The following CSMD2 variants were observed in gnomAD, a reference collection of about 807,000 sequenced individuals.
CSMD2 encodes CUB and Sushi multiple domains 2, also known as CUB and sushi domain-containing protein 2.
A neutral mutation model predicts 398.5 loss-of-function variants in CSMD2; 130 were observed. That is an observed-to-expected ratio of 0.33 (90% CI 0.28 to 0.38). The LOEUF (loss-of-function observed/expected upper bound fraction) is 0.38, where lower values mean the gene tolerates loss of function less well. Ranked by LOEUF, CSMD2 falls within the 10% of genes least tolerant of loss-of-function variation. The probability of loss-of-function intolerance (pLI) is 1.00; values close to 1 mark genes in which losing one functional copy is unlikely to be tolerated. For missense variants in CSMD2, 3,829 were observed against 4,764.9 expected, an observed-to-expected ratio of 0.80 and a Z score of 5.78; for synonymous variants, 1,828 against 1,908.5, an observed-to-expected ratio of 0.96 and a Z score of 1.10.
chr1:33,694,942 T>C (rs1645369253), intron 24 of CSMD2, among the ~76,000 whole-genome samples: 1 of 152,156 alleles, frequency 6.6e-6, no homozygotes, highest in African/African-American at 2.4e-5. Flanking sequence ...TGGAAGAGTT[T>C]ACTGTCTAGT....
chr1:33,642,172 C>A (rs1643145011), intron 29 of CSMD2, among the ~76,000 whole-genome samples: 1 of 151,908 alleles, frequency 6.6e-6, no homozygotes, highest in African/African-American at 2.4e-5. Flanking sequence ...CATGGCGAAA[C>A]CCCATCTCTA....
At position 33,605,906 on chromosome 1, in the gene CSMD2, G is replaced by A. The variant is rs139440321; in HGVS notation, c.6344-436C>T. ...GATCCCAGACATAGGAAGCGGCGAC[G>A]GGAGGAGTTGAGTTGGTTCTTTCCA... is the stretch of plus-strand genomic sequence containing the variant. On this transcript the variant is annotated intron_variant, in intron 41 of 70. Transcript: ENST00000373381. 7.0e-5 allele frequency: 113 copies of A among 1,613,878 alleles called. No individual in the cohort carries two copies. The African/African-American group carries it at 9.2e-4, about 13-fold the overall frequency.
chr1:33,782,782 G>A (rs1000590211), intron 12 of CSMD2, among the ~76,000 whole-genome samples: 16 of 152,280 alleles, frequency 1.1e-4, no homozygotes, highest in Admixed American at 2.6e-4. Context: ...GAATGGATTC[G>A]TAGAAACCAG....
chr1:33,822,305 C>A (rs1658247501), intron 7 of CSMD2, among the ~76,000 whole-genome samples: 1 of 152,090 alleles, frequency 6.6e-6, no homozygotes, highest in Non-Finnish European at 1.5e-5. Flanking sequence ...TTTCCAGGGC[C>A]TGGGTACCTG....
chr1:33,675,974 T>C (rs935967024), intron 25 of CSMD2, among the ~76,000 whole-genome samples: 2 of 152,182 alleles, frequency 1.3e-5, no homozygotes, highest in African/African-American at 2.4e-5. Flanking sequence ...TAATAAGAGC[T>C]ATTTATGACA....
In CSMD2 at chr1:33,724,252, G is replaced by T; in HGVS notation, c.2946C>A (p.Asp982Glu). 1 of 1,614,106 alleles carries T rather than the reference G, an allele frequency of 6.2e-7. No individual in the cohort carries two copies. Among genetic ancestry groups the T allele is most frequent in the Non-Finnish European group, 8.5e-7 (1 of 1,180,004 alleles). The stretch of plus-strand genomic sequence containing the variant: ...TGCAGTTCAAGTTGTTGGGGTAGAA[G>T]TCAGGGAACCCTGGCGACAAGATGG... ...SGTILSPGFP[D>E]FYPNNLNCTW... Residue 982 changes from aspartate to glutamate, a missense_variant, in exon 19 of 71, where the codon GAC becomes GAA. Asp to Glu is a conservative substitution (Grantham distance 45). Around this residue, in one of 5 missense-constraint regions of CSMD2, gnomAD observed 2,001 missense variants for 2,567.1 expected, o/e 0.78. Transcript: ENST00000373381.
chr1:33,683,234 T>TC (rs1238124988), intron 25 of CSMD2, among the ~76,000 whole-genome samples: 1 of 152,256 alleles, frequency 6.6e-6, no homozygotes, highest in Non-Finnish European at 1.5e-5. Context: ...CTGCATTTCA[T>TC]CATCCATCTT....
At chr1:34,105,158 A>G (rs955232327) in intron 1 of CSMD2, among the ~76,000 whole-genome samples, 2 of 152,178 alleles carry the variant, frequency 1.3e-5, no homozygotes, top group Non-Finnish European at 2.9e-5. Flanking sequence ...GATCTTAACA[A>G]TCGGAGAGAT....
intron 3 of CSMD2, among the ~76,000 whole-genome samples, chr1:33,981,052 C>G (rs753017448): frequency 6.6e-6 from 1 of 152,126 alleles, no homozygotes; most frequent in Non-Finnish European, 1.5e-5. Context: ...GTGAGAGATA[C>G]CCCTGGGGTC....
intron 40 of CSMD2, among the ~76,000 whole-genome samples, chr1:33,612,928 G>A (rs1235525492): frequency 6.6e-6 from 1 of 152,232 alleles, no homozygotes; most frequent in Non-Finnish European, 1.5e-5. Context: ...TGAGGAGCCT[G>A]TGCTTTCCAT....
intron 1 of CSMD2, among the ~76,000 whole-genome samples, chr1:34,123,266 C>T (rs902183472): frequency 2.0e-5 from 3 of 152,220 alleles, no homozygotes; most frequent in East Asian, 3.9e-4. Context: ...ATCATGCCTA[C>T]GTAATGAAGC....
At chr1:34,008,527 A>G (rs976535181) in intron 3 of CSMD2, among the ~76,000 whole-genome samples, 19 of 152,226 alleles carry the variant, frequency 1.2e-4, no homozygotes, top group African/African-American at 4.6e-4. Context: ...ACTTGCGCCC[A>G]TCTGAAGGTG....
chr1:33,750,798 A>G (rs554271926), intron 13 of CSMD2, among the ~76,000 whole-genome samples: 1 of 152,318 alleles, frequency 6.6e-6, no homozygotes, highest in East Asian at 1.9e-4. Flanking sequence ...TCCACACTTC[A>G]TTCCATGTAC....
chr1:33,699,718 C>T (rs1304611635), intron 23 of CSMD2, among the ~76,000 whole-genome samples: 2 of 152,192 alleles, frequency 1.3e-5, no homozygotes, highest in African/African-American at 2.4e-5. Context: ...ATACATTCTC[C>T]CACCTAATGT....
chr1:33,849,745 A>C (rs942389162), intron 5 of CSMD2, among the ~76,000 whole-genome samples: 1 of 151,906 alleles, frequency 6.6e-6, no homozygotes, highest in East Asian at 1.9e-4. Flanking sequence ...CCTGGGCAAG[A>C]CAGTGAGACC....
intron 9 of CSMD2, among the ~76,000 whole-genome samples, chr1:33,818,990 C>T (rs939688841): frequency 6.6e-6 from 1 of 152,196 alleles, no homozygotes; most frequent in East Asian, 1.9e-4. Flanking sequence ...CAAAAGAGCA[C>T]CTGTTGGCTT....
rs748193717 is a variant in CSMD2 at position 33,673,108 on chromosome 1, CG to C, written c.4053-10017del. Among the ~76,000 whole-genome samples, 3 of 152,346 alleles carry C rather than the reference CG, an allele frequency of 2.0e-5. No individual in the cohort carries two copies. In the East Asian group the frequency reaches 5.8e-4, roughly 29 times the overall value. On this transcript the variant is annotated intron_variant, in intron 25 of 70. Transcript: ENST00000373381. ...TCACCAGCAATGGAACAAAGCTGGA[CG>C]GAGAATGACTTTGACGAGTTGAGAG... is the stretch of plus-strand genomic sequence containing the variant.
intron 1 of CSMD2, among the ~76,000 whole-genome samples, chr1:34,110,096 C>G (rs1660920806): frequency 6.9e-6 from 1 of 143,954 alleles, no homozygotes; most frequent in Admixed American, 7.0e-5. Flanking sequence ...ATAAAAAAAG[C>G]TCAATATCAT....
At chr1:33,945,561 G>A (rs2125353643) in intron 3 of CSMD2, among the ~76,000 whole-genome samples, 1 of 152,234 alleles carries the variant, frequency 6.6e-6, no homozygotes, top group South Asian at 2.1e-4. Context: ...CCTAGGGTAG[G>A]ACCTGAGAAG....
Sources: allele counts gnomAD v4.1 joint callset (sites outside exome capture counted in the v4.1 genomes callset), GRCh38; gene constraint gnomAD v4.1.1; regional missense constraint gnomAD v4.1.1; transcripts MANE v1.5; gene names NCBI Gene and HGNC (gene_info 2026-07-23, HGNC 2026-07-21).